Variants in CACNA2D1 observed in about 807,000 individuals in gnomAD.
The protein encoded by CACNA2D1 is voltage-dependent calcium channel subunit alpha-2/delta-1.
A neutral mutation model predicts 171.5 loss-of-function variants in CACNA2D1; 53 were observed. The ratio of observed to expected loss-of-function variants is 0.31; its 90% confidence interval spans 0.25 to 0.39. The LOEUF (loss-of-function observed/expected upper bound fraction) is 0.39, where lower values mean the gene tolerates loss of function less well. Among genes scored for constraint, CACNA2D1 ranks in the 10% least tolerant of loss-of-function variants. The pLI is 1.00. For synonymous variants in CACNA2D1, 442 were observed against 443.1 expected (o/e 1.00, Z 0.03); for missense variants, 903 against 1,299.8 (o/e 0.69, Z 4.69).
chr7:82,171,570 A>G (rs992053745), intron 3 of CACNA2D1, among the ~76,000 whole-genome samples: 3 of 152,054 alleles, frequency 2.0e-5, no homozygotes, highest in African/African-American at 7.2e-5. Flanking sequence ...GGCTTATTGG[A>G]AGGACTAAAT....
intron 4 of CACNA2D1, among the ~76,000 whole-genome samples, chr7:82,145,531 TACAG>T (rs1337447055): frequency 7.2e-6 from 1 of 138,528 alleles, no homozygotes; most frequent in East Asian, 2.4e-4. Flanking sequence ...TCTGTATATA[TACAG>T]AATGTGTGTG....
chr7:82,285,561 C>T (rs1395088171), intron 3 of CACNA2D1, among the ~76,000 whole-genome samples: 3 of 152,124 alleles, frequency 2.0e-5, no homozygotes, highest in Non-Finnish European at 4.4e-5. Flanking sequence ...CAGGGCAGTA[C>T]TATCCATATA....
At chr7:82,053,539 A>G (rs1357944690) in intron 10 of CACNA2D1, among the ~76,000 whole-genome samples, 2 of 152,176 alleles carry the variant, frequency 1.3e-5, no homozygotes, top group East Asian at 3.8e-4. Flanking sequence ...TATAGTAAAT[A>G]AGAGCCATAA....
At chr7:82,093,893 G>A (rs1358687586) in intron 6 of CACNA2D1, among the ~76,000 whole-genome samples, 3 of 152,080 alleles carry the variant, frequency 2.0e-5, no homozygotes, top group African/African-American at 4.8e-5. Context: ...TTAGATAAGG[G>A]AAATCTCTTG....
chr7:82,308,454 G>T (rs532335621), intron 3 of CACNA2D1, among the ~76,000 whole-genome samples: 25 of 152,274 alleles, frequency 1.6e-4, no homozygotes, highest in African/African-American at 6.0e-4. Flanking sequence ...AGTAGGTTCA[G>T]CCCTAATTCA....
At chr7:82,318,731 T>C (rs1335486698) in intron 3 of CACNA2D1, among the ~76,000 whole-genome samples, 1 of 152,176 alleles carries the variant, frequency 6.6e-6, no homozygotes, top group Non-Finnish European at 1.5e-5. Context: ...GAAACAAAAA[T>C]GCCAACCTAG....
intron 4 of CACNA2D1, among the ~76,000 whole-genome samples, chr7:82,137,215 TA>T: frequency 6.6e-6 from 1 of 152,188 alleles, no homozygotes; most frequent in Non-Finnish European, 1.5e-5. Flanking sequence ...AATACTCTCA[TA>T]TTCTAGCAAA....
intron 11 of CACNA2D1, among the ~76,000 whole-genome samples, chr7:82,034,571 T>C (rs551847958): frequency 6.6e-6 from 1 of 152,134 alleles, no homozygotes; most frequent in South Asian, 2.1e-4. Context: ...ACACAAAAAG[T>C]TGCCTATTTT....
chr7:82,123,998 C>T (rs1454035236), intron 5 of CACNA2D1, among the ~76,000 whole-genome samples: 1 of 151,912 alleles, frequency 6.6e-6, no homozygotes, highest in Non-Finnish European at 1.5e-5. Flanking sequence ...AAACGTATCA[C>T]ATCAAAAATA....
At chr7:82,240,262 T>A (rs1451112165) in intron 3 of CACNA2D1, among the ~76,000 whole-genome samples, 2 of 152,146 alleles carry the variant, frequency 1.3e-5, no homozygotes, top group Admixed American at 1.3e-4. Flanking sequence ...ACTACTGAAC[T>A]CATAAGTTTA....
chr7:82,356,929 T>A lies in CACNA2D1; in HGVS notation c.96-7280A>T, dbSNP rs578228184. 1.9e-4 allele frequency among the ~76,000 whole-genome samples: 29 copies of A among 152,262 alleles called. No homozygotes were observed. In the South Asian group the frequency reaches 5.8e-3, roughly 30 times the overall value. On this transcript the variant is annotated intron_variant, in intron 1 of 38. Transcript: ENST00000356860. ...CCTTCTCTGTCCCTTCAATAACTCA[T>A]TACAGAGTTGACTGGCAGTACAAGG...
rs1220761366 is a variant in CACNA2D1 at position 82,416,910 on chromosome 7, T to TA, written c.95+26454dup. On this transcript the variant is annotated intron_variant, in intron 1 of 38. Transcript: ENST00000356860. ...TAACGGTTTGCATAACTTGGCTACT[T>TA]ACAGCTGTTTAAAACTCTTAAACTG... Among the ~76,000 whole-genome samples the TA allele has an allele frequency of 1.4e-4, 21 of 152,322 alleles. No individual in the cohort carries two copies. The East Asian group carries it at 4.1e-3, about 29-fold the overall frequency.
intron 3 of CACNA2D1, among the ~76,000 whole-genome samples, chr7:82,208,455 G>GA (rs1292599795): frequency 2.0e-5 from 3 of 152,050 alleles, no homozygotes; most frequent in Non-Finnish European, 2.9e-5. Flanking sequence ...CAAATAGCCT[G>GA]AAATCAAATA....
intron 11 of CACNA2D1, among the ~76,000 whole-genome samples, chr7:82,033,520 A>G (rs960196517): frequency 2.6e-5 from 4 of 152,030 alleles, no homozygotes; most frequent in African/African-American, 4.8e-5. Context: ...CTCTTTATTC[A>G]TTCTACTTTA....
At chr7:82,079,917 TGTTA>T (rs1187440650) in intron 7 of CACNA2D1, among the ~76,000 whole-genome samples, 1 of 152,070 alleles carries the variant, frequency 6.6e-6, no homozygotes, top group Non-Finnish European at 1.5e-5. Context: ...GGTGAGGCTT[TGTTA>T]ATTAGCTAGA....
intron 10 of CACNA2D1, among the ~76,000 whole-genome samples, chr7:82,048,132 T>G (rs576313245): frequency 1.0e-4 from 15 of 148,776 alleles, no homozygotes; most frequent in Non-Finnish European, 1.5e-4. Context: ...TTAAATTGTA[T>G]CTGGGATGCA....
intron 3 of CACNA2D1, among the ~76,000 whole-genome samples, chr7:82,190,662 G>T (rs17155997): frequency 0.023 from 3,542 of 151,474 alleles, 109 homozygotes; most frequent in African/African-American, 0.076. Flanking sequence ...AGAGCTTTGG[G>T]CCATTTTCAA....
chr7:82,103,904 G>T (rs1812997101), intron 6 of CACNA2D1, among the ~76,000 whole-genome samples: 1 of 151,590 alleles, frequency 6.6e-6, no homozygotes, highest in Non-Finnish European at 1.5e-5. Context: ...TTATTTAAAA[G>T]ATTATAAACA....
chr7:81,953,399 C>T (rs960630709), intron 38 of CACNA2D1, among the ~76,000 whole-genome samples: 2 of 152,088 alleles, frequency 1.3e-5, no homozygotes, highest in Admixed American at 6.6e-5. Flanking sequence ...ACCTTCTCCT[C>T]TCCCGCCTAC....
Sources: gnomAD v4.1 joint callset for allele counts (sites outside exome capture counted in the v4.1 genomes callset) on GRCh38, gnomAD v4.1.1 for gene constraint, MANE v1.5 for transcripts, NCBI Gene and HGNC (gene_info 2026-07-23, HGNC 2026-07-21) for gene names.